The following SBF2 variants were observed in gnomAD, a reference collection of about 807,000 sequenced individuals.
The protein encoded by SBF2 is myotubularin-related protein 13.
SBF2 carries 112 observed loss-of-function variants against 225.2 expected under a neutral mutation model. The observed-to-expected ratio is 0.50, with a 90% CI of 0.43 to 0.58. The LOEUF is 0.58. Among genes scored for constraint, SBF2 ranks in the 20% least tolerant of loss-of-function variants. The pLI is 0.00. For synonymous variants in SBF2, 763 were observed against 773.3 expected (o/e 0.99, Z 0.22); for missense variants, 1,996 against 2,206.2 (o/e 0.90, Z 1.91).
At chr11:9,956,133 T>C (rs1866150225) in intron 16 of SBF2, among the ~76,000 whole-genome samples, 1 of 152,196 alleles carries the variant, frequency 6.6e-6, no homozygotes, top group Non-Finnish European at 1.5e-5. Flanking sequence ...TATAATATTC[T>C]AGTGTAAGAA....
At chr11:10,293,608 C>T (rs1200527346) in intron 1 of SBF2, among the ~76,000 whole-genome samples, 1 of 152,220 alleles carries the variant, frequency 6.6e-6, no homozygotes, top group African/African-American at 2.4e-5. Flanking sequence ...TGGTTACTCA[C>T]TCAGGATGCA....
chr11:9,847,569 A>C (rs1856641594), intron 22 of SBF2, among the ~76,000 whole-genome samples: 1 of 151,896 alleles, frequency 6.6e-6, no homozygotes, highest in African/African-American at 2.4e-5. Flanking sequence ...CAAGATATTT[A>C]ATATAAGGAT....
At chr11:9,965,709 T>C (rs1420201010) in intron 14 of SBF2, among the ~76,000 whole-genome samples, 2 of 152,226 alleles carry the variant, frequency 1.3e-5, no homozygotes, top group African/African-American at 2.4e-5. Context: ...TTATGCTTTA[T>C]TAGGATCAGG....
rs186637582 is a variant in SBF2, at chr11:10,057,370, A to G, written c.142-14389T>C. On this transcript the variant is annotated intron_variant, in intron 2 of 39. Transcript: ENST00000256190. ...TGCCCTTGTCACCCTTGGACTAACA[A>G]AGGAGCAAAGACCCTAAGTACCTTA... 1.9e-4 allele frequency among the ~76,000 whole-genome samples: 29 copies of G among 152,238 alleles called. No individual in the cohort carries two copies. In the East Asian group the frequency reaches 5.6e-3, roughly 29 times the overall value.
At chr11:10,082,915 G>T (rs1027428710) in intron 2 of SBF2, among the ~76,000 whole-genome samples, 2 of 152,008 alleles carry the variant, frequency 1.3e-5, no homozygotes, top group Non-Finnish European at 2.9e-5. Context: ...GAAATAAAAG[G>T]CGTCCAAATT....
At chr11:9,930,271 T>C (rs1404284293) in intron 16 of SBF2, among the ~76,000 whole-genome samples, 3 of 152,194 alleles carry the variant, frequency 2.0e-5, no homozygotes, top group Non-Finnish European at 4.4e-5. Context: ...TTATACAATA[T>C]ATAACAGTAC....
intron 17 of SBF2, among the ~76,000 whole-genome samples, chr11:9,879,940 TG>T (rs1859601612): frequency 6.6e-6 from 1 of 151,882 alleles, no homozygotes; most frequent in Non-Finnish European, 1.5e-5. Context: ...AAAAATTAGC[TG>T]GGTGTGGTGG....
chr11:10,030,042 T>C lies in SBF2; in HGVS notation c.403-167A>G, dbSNP rs117088281. Among the ~76,000 whole-genome samples the C allele has an allele frequency of 1.2e-4, 19 of 152,346 alleles. No individual in the cohort carries two copies. In the East Asian group the frequency reaches 3.7e-3, roughly 29 times the overall value. On this transcript the variant is annotated intron_variant, in intron 4 of 39. Coordinates refer to ENST00000256190, the MANE Select transcript of SBF2 (RefSeq NM_030962.4). Reference sequence around the variant, plus strand: ...AAAATTAAGTTTATTAAATTTTCCTTAGAACCAGAACCCCCAAATGAGCTT... The same window carrying C: ...AAAATTAAGTTTATTAAATTTTCCTCAGAACCAGAACCCCCAAATGAGCTT...
intron 1 of SBF2, among the ~76,000 whole-genome samples, chr11:10,293,414 C>T (rs978702507): frequency 7.9e-5 from 12 of 152,182 alleles, no homozygotes; most frequent in African/African-American, 2.9e-4. Flanking sequence ...GTGAAGTGAC[C>T]GTCACATTTG....
chr11:9,882,493 A>G (rs1408971487), intron 17 of SBF2, among the ~76,000 whole-genome samples: 1 of 152,186 alleles, frequency 6.6e-6, no homozygotes, highest in Non-Finnish European at 1.5e-5. Flanking sequence ...TGTTTTTGTG[A>G]AACTTCTGAT....
chr11:9,784,239 T>TA, intron 38 of SBF2, 112 bp downstream of exon 38: 1 of 826,946 alleles, frequency 1.2e-6, no homozygotes. Context: ...TGAGAGGCAC[T>TA]AAAAAAGCAG....
intron 16 of SBF2, among the ~76,000 whole-genome samples, chr11:9,939,085 A>ATTT (rs1208795405): frequency 1.3e-5 from 2 of 152,224 alleles, no homozygotes; most frequent in South Asian, 2.1e-4. Context: ...TCTTTATTTT[A>ATTT]TTTTATTTTA....
chr11:9,980,514 A>AATATTACTGGCAG (rs1946907385), intron 13 of SBF2, among the ~76,000 whole-genome samples: 1 of 152,140 alleles, frequency 6.6e-6, no homozygotes, highest in Non-Finnish European at 1.5e-5. Flanking sequence ...CTGCTCCCTT[A>AATATTACTGGCAG]ATATTACTGG....
chr11:10,212,712 T>G (rs879810776), intron 1 of SBF2, among the ~76,000 whole-genome samples: 3 of 152,212 alleles, frequency 2.0e-5, no homozygotes, highest in Non-Finnish European at 2.9e-5. Flanking sequence ...CTTAATCAAT[T>G]TGCATACTAT....
intron 1 of SBF2, among the ~76,000 whole-genome samples, chr11:10,241,487 AT>A (rs1184784986): frequency 2.0e-5 from 3 of 152,214 alleles, no homozygotes; most frequent in African/African-American, 7.2e-5. Flanking sequence ...ATACAAAAAA[AT>A]ATACAATAGA....
At chr11:9,922,033 C>T (rs1863672194) in intron 16 of SBF2, among the ~76,000 whole-genome samples, 1 of 152,072 alleles carries the variant, frequency 6.6e-6, no homozygotes, top group Non-Finnish European at 1.5e-5. Context: ...ACTGCTTGAG[C>T]CCAGGCGTTT....
intron 1 of SBF2, among the ~76,000 whole-genome samples, chr11:10,270,836 C>T (rs915388119): frequency 6.6e-6 from 1 of 151,292 alleles, no homozygotes; most frequent in Non-Finnish European, 1.5e-5. Flanking sequence ...TACTAAAAAA[C>T]GGAAAAAAGT....
At chr11:9,918,762 G>A (rs1390449796) in intron 16 of SBF2, among the ~76,000 whole-genome samples, 3 of 148,104 alleles carry the variant, frequency 2.0e-5, no homozygotes, top group Non-Finnish European at 4.5e-5. Context: ...TTTTTGAGAC[G>A]GAGTCTCACT....
At chr11:10,045,538 C>A (rs965117297) in intron 2 of SBF2, among the ~76,000 whole-genome samples, 1 of 152,190 alleles carries the variant, frequency 6.6e-6, no homozygotes, top group Non-Finnish European at 1.5e-5. Context: ...GCTGGACGAA[C>A]GCCTGAAGGG....
Sources: allele counts gnomAD v4.1 joint callset (sites outside exome capture counted in the v4.1 genomes callset), GRCh38; gene constraint gnomAD v4.1.1; transcripts MANE v1.5; gene names NCBI Gene and HGNC (gene_info 2026-07-23, HGNC 2026-07-21).